Variants in LRP1B observed in about 807,000 individuals in gnomAD.
The protein encoded by LRP1B is low-density lipoprotein receptor-related protein 1B.
A neutral mutation model predicts 556.6 loss-of-function variants in LRP1B; 217 were observed. That is an observed-to-expected ratio of 0.39 (90% CI 0.35 to 0.44). The LOEUF (loss-of-function observed/expected upper bound fraction) is 0.44. Among genes scored for constraint, LRP1B ranks in the 20% least tolerant of loss-of-function variants. LRP1B has a pLI of 1.00. For missense variants in LRP1B, 5,053 were observed against 5,620.8 expected, an observed-to-expected ratio of 0.90 and a Z score of 3.23; for synonymous variants, 2,047 against 1,865.8, an observed-to-expected ratio of 1.10 and a Z score of -2.50.
At chr2:141,885,601 G>A (rs747661637) in intron 1 of LRP1B, among the ~76,000 whole-genome samples, 13 of 152,136 alleles carry the variant, frequency 8.5e-5, no homozygotes, top group Non-Finnish European at 1.9e-4. Context: ...GAGTGTCTAA[G>A]GGAGAATCCT....
chr2:141,924,118 G>A (rs1700272106), intron 1 of LRP1B, among the ~76,000 whole-genome samples: 1 of 151,924 alleles, frequency 6.6e-6, no homozygotes, highest in South Asian at 2.1e-4. Flanking sequence ...GTTTTGGCCT[G>A]CAATGCCCCA....
intron 3 of LRP1B, among the ~76,000 whole-genome samples, chr2:141,310,966 A>G (rs1024227315): frequency 3.3e-5 from 5 of 152,206 alleles, no homozygotes; most frequent in African/African-American, 1.2e-4. Flanking sequence ...TGACATCATT[A>G]AGAAGCATAA....
At chr2:140,753,350 A>G (rs146440135) in intron 35 of LRP1B, among the ~76,000 whole-genome samples, 8 of 152,346 alleles carry the variant, frequency 5.3e-5, no homozygotes, top group South Asian at 2.1e-4. Flanking sequence ...ACAAAACAAT[A>G]TGATTTATCT....
At chr2:141,747,217 A>G (rs1574314970) in intron 2 of LRP1B, among the ~76,000 whole-genome samples, 1 of 152,232 alleles carries the variant, frequency 6.6e-6, no homozygotes, top group African/African-American at 2.4e-5. Flanking sequence ...AAAGAAAACT[A>G]CATCCTAAAT....
intron 2 of LRP1B, among the ~76,000 whole-genome samples, chr2:141,726,612 T>G (rs1693047093): frequency 6.6e-6 from 1 of 152,038 alleles, no homozygotes; most frequent in African/African-American, 2.4e-5. Context: ...CTTGGTATAT[T>G]AATATAAGTT....
At chr2:141,733,322 T>C (rs1286916006) in intron 2 of LRP1B, among the ~76,000 whole-genome samples, 1 of 152,112 alleles carries the variant, frequency 6.6e-6, no homozygotes, top group Non-Finnish European at 1.5e-5. Context: ...TTCCTGTAAG[T>C]GTGTGCCCAC....
At chr2:140,570,494 A>C (rs1231580414) in intron 43 of LRP1B, among the ~76,000 whole-genome samples, 1 of 151,760 alleles carries the variant, frequency 6.6e-6, no homozygotes, top group African/African-American at 2.4e-5. Context: ...GAAAATGTAA[A>C]CATAGCATTT....
intron 2 of LRP1B, among the ~76,000 whole-genome samples, chr2:141,668,724 G>A (rs1158311235): frequency 6.6e-6 from 1 of 152,124 alleles, no homozygotes; most frequent in Non-Finnish European, 1.5e-5. Context: ...GATGGACAAG[G>A]TCAGGTACCA....
intron 66 of LRP1B, among the ~76,000 whole-genome samples, chr2:140,434,785 A>G (rs1458099235): frequency 6.6e-6 from 1 of 152,196 alleles, no homozygotes; most frequent in East Asian, 1.9e-4. Context: ...CACAGTAATA[A>G]CTACGTGTCT....
At chr2:142,064,102 T>C (rs574909182) in intron 1 of LRP1B, among the ~76,000 whole-genome samples, 2 of 151,730 alleles carry the variant, frequency 1.3e-5, no homozygotes, top group Non-Finnish European at 3.0e-5. Flanking sequence ...TCCAAATTAT[T>C]ATAAACTGAA....
At chr2:140,413,557 A>T (rs940729765) in intron 66 of LRP1B, among the ~76,000 whole-genome samples, 1 of 152,232 alleles carries the variant, frequency 6.6e-6, no homozygotes, top group African/African-American at 2.4e-5. Context: ...AACTAAAAAC[A>T]TTTAAACAAG....
chr2:142,099,870 A>G (rs1706509748), intron 1 of LRP1B, among the ~76,000 whole-genome samples: 1 of 151,972 alleles, frequency 6.6e-6, no homozygotes, highest in Non-Finnish European at 1.5e-5. Flanking sequence ...CATAGTAAAA[A>G]GTACATCAAT....
intron 86 of LRP1B, among the ~76,000 whole-genome samples, chr2:140,267,287 C>T (rs1277832049): frequency 6.6e-6 from 1 of 151,874 alleles, no homozygotes; most frequent in Non-Finnish European, 1.5e-5. Flanking sequence ...TTCCTTGCTT[C>T]TTATATGGTT....
intron 7 of LRP1B, among the ~76,000 whole-genome samples, chr2:141,087,228 A>G (rs1700069249): frequency 6.6e-6 from 1 of 151,912 alleles, no homozygotes; most frequent in Non-Finnish European, 1.5e-5. Flanking sequence ...TACTAGGATG[A>G]TGTTCATTCC....
intron 24 of LRP1B, among the ~76,000 whole-genome samples, chr2:140,885,849 G>T (rs1573842977): frequency 6.7e-6 from 1 of 148,276 alleles, no homozygotes; most frequent in Admixed American, 6.7e-5. Flanking sequence ...TGTGACTAAT[G>T]GTATGTAACA....
At position 140,442,553 on chromosome 2, in the gene LRP1B, A is replaced by G; in HGVS notation, c.10365T>C (p.Val3455=). The G allele has an allele frequency of 6.2e-7, 1 of 1,614,050 alleles. No homozygotes were observed. Among genetic ancestry groups the G allele is most frequent in the South Asian group, 1.1e-5 (1 of 91,082 alleles). ...TTKHCISKLW[V]CDEDPDCADA... The stretch of plus-strand genomic sequence containing the variant: ...CTGCACAGTCTGGATCCTCGTCACA[A>G]ACCCACAGCTTGGAAATGCAATGCT... The change falls in exon 66 of 91, where the codon GTT becomes GTC. Residue 3455 remains valine (V), a synonymous_variant. Transcript: ENST00000389484.
intron 66 of LRP1B, among the ~76,000 whole-genome samples, chr2:140,411,323 A>T (rs1037990364): frequency 3.9e-5 from 6 of 152,146 alleles, no homozygotes; most frequent in Non-Finnish European, 7.4e-5. Context: ...CATTCTTTAT[A>T]TTATATAATT....
intron 45 of LRP1B, among the ~76,000 whole-genome samples, chr2:140,537,711 A>T (rs988194211): frequency 1.3e-5 from 2 of 152,076 alleles, no homozygotes; most frequent in African/African-American, 2.4e-5. Flanking sequence ...TAAATCTCAG[A>T]ATTTTTATTA....
intron 1 of LRP1B, among the ~76,000 whole-genome samples, chr2:141,986,433 TTC>T (rs1702188193): frequency 2.0e-5 from 3 of 151,974 alleles, no homozygotes; most frequent in Non-Finnish European, 2.9e-5. Flanking sequence ...TTTCAAGAGT[TTC>T]TGAGTATCAG....
Sources: gnomAD v4.1 joint callset for allele counts (sites outside exome capture counted in the v4.1 genomes callset) on GRCh38, gnomAD v4.1.1 for gene constraint, MANE v1.5 for transcripts, NCBI Gene and HGNC (gene_info 2026-07-23, HGNC 2026-07-21) for gene names.